SLC6A4: variants seen among roughly 807,000 people sequenced by gnomAD.
SLC6A4 encodes solute carrier family 6 member 4, also known as sodium-dependent serotonin transporter.
Under a neutral mutation model 73.4 loss-of-function variants are expected in SLC6A4, and 22 were observed. The observed-to-expected ratio is 0.30, with a 90% CI of 0.21 to 0.43. The LOEUF is 0.43. SLC6A4 is among the 20% of genes least tolerant of loss of function. The pLI, the probability that SLC6A4 is intolerant of heterozygous loss-of-function variation, is 1.00. For synonymous variants in SLC6A4, 270 were observed against 315.5 expected (o/e 0.86, Z 1.53); for missense variants, 593 against 808.5 (o/e 0.73, Z 3.23).
rs1001855348 is a variant in SLC6A4 at position 30,194,765 on chromosome 17, C to T, written c.*3691G>A. On this transcript the variant is annotated 3_prime_UTR_variant, in exon 15 of 15. Coordinates refer to ENST00000650711, the MANE Select transcript of SLC6A4 (RefSeq NM_001045.6). Reference sequence around the variant, plus strand: ...CACCAAATATTTTTGTTTGGACTGTCAGTGTTTAAAAATTGCTAGACACAA... The same window carrying T: ...CACCAAATATTTTTGTTTGGACTGTTAGTGTTTAAAAATTGCTAGACACAA... The T allele has an allele frequency of 2.0e-5, 3 of 152,114 alleles. No homozygotes were observed. The highest frequency in any genetic ancestry group is 7.2e-5 in the African/African-American group (3 of 41,426). 9.4% of individuals were successfully genotyped at this position (152,114 alleles called of 1,614,324 possible). A position where few individuals can be genotyped will look rare whatever the true frequency, so the allele number is the denominator to read the frequency against.
chr17:30,202,435 A>C (rs1227513035), intron 14 of SLC6A4, among the ~76,000 whole-genome samples: 1 of 152,150 alleles, frequency 6.6e-6, no homozygotes, highest in Non-Finnish European at 1.5e-5. Context: ...GGAAATAAGG[A>C]AACTTCGAGC....
intron 1 of SLC6A4, among the ~76,000 whole-genome samples, chr17:30,226,834 C>A: frequency 6.7e-6 from 1 of 149,744 alleles, no homozygotes; most frequent in African/African-American, 2.5e-5. Context: ...GTCAGCCAAA[C>A]TGCGCTCCAG....
intron 2 of SLC6A4, among the ~76,000 whole-genome samples, chr17:30,222,570 ATATTT>A (rs1179674887): frequency 3.3e-5 from 5 of 152,246 alleles, no homozygotes; most frequent in Non-Finnish European, 7.3e-5. Context: ...ACCCAAAGTT[ATATTT>A]TATATCAACT....
At chr17:30,202,208 A>C (rs1906060457) in intron 14 of SLC6A4, among the ~76,000 whole-genome samples, 1 of 152,192 alleles carries the variant, frequency 6.6e-6, no homozygotes, top group Non-Finnish European at 1.5e-5. Context: ...GTAAGATCTC[A>C]AATTAGCCCA....
rs1211182644 is a variant in SLC6A4, at chr17:30,211,912, G to A, written c.1205-488C>T. On this transcript the variant is annotated intron_variant, in intron 9 of 14. Coordinates refer to ENST00000650711, the MANE Select transcript of SLC6A4 (RefSeq NM_001045.6). This position sits in a 1 kb window ranked among gnomAD's most constrained non-coding sequence, Gnocchi z 4.0. ...TTCTATTTTAAAGTCCCTTTTGAAA[G>A]TGTGAGGGACATGTCTTCAGCCTCT... Among the ~76,000 whole-genome samples the A allele has an allele frequency of 6.6e-6, 1 of 152,164 alleles. No homozygotes were observed. The highest frequency in any genetic ancestry group is 6.5e-5 in the Admixed American group (1 of 15,272).
chr17:30,230,116 A>G (rs1026397770), intron 1 of SLC6A4, among the ~76,000 whole-genome samples: 4,121 of 133,778 alleles, frequency 0.031, 182 homozygotes, highest in African/African-American at 0.093. Context: ...AGGAAGAGGA[A>G]GAGGAAGAGG....
intron 14 of SLC6A4, among the ~76,000 whole-genome samples, chr17:30,201,901 G>C (rs1028310856): frequency 2.0e-5 from 3 of 152,312 alleles, no homozygotes; most frequent in African/African-American, 7.2e-5. Context: ...TCAGGAGTTT[G>C]AGACCAGCCT....
Position 30,211,228 on chromosome 17 carries a change from G to A in SLC6A4, c.1317+84C>T, listed in dbSNP as rs935443827. The A allele has an allele frequency of 2.3e-5, 21 of 901,942 alleles. No homozygotes were observed. In the Admixed American group the frequency reaches 2.4e-4, roughly 10 times the overall value. 55.9% of individuals were successfully genotyped at this position (901,942 alleles called of 1,614,324 possible). On this transcript the variant is annotated intron_variant, in intron 10 of 14. Coordinates refer to ENST00000650711, the MANE Select transcript of SLC6A4 (RefSeq NM_001045.6). This position sits in a 1 kb window ranked among gnomAD's most constrained non-coding sequence, Gnocchi z 4.0. ...GCCAAAGCTGCCTGGGATGGCCAGG[G>A]ATGGGAGGGAATTGAGTCCAGCTGA...
chr17:30,215,537 A>G, intron 8 of SLC6A4, 74 bp downstream of exon 8: 1 of 1,260,856 alleles, frequency 7.9e-7, no homozygotes. Context: ...CGTCGGTCCA[A>G]TCACCTTCCT....
intron 1 of SLC6A4, among the ~76,000 whole-genome samples, chr17:30,232,808 CAA>C (rs1475961285): frequency 6.6e-6 from 1 of 152,206 alleles, no homozygotes; most frequent in Non-Finnish European, 1.5e-5. Context: ...CCAGAGCAAA[CAA>C]AAGTCAGGCT....
intron 14 of SLC6A4, among the ~76,000 whole-genome samples, chr17:30,198,925 C>T (rs1220954951): frequency 6.6e-6 from 1 of 152,104 alleles, no homozygotes; most frequent in Non-Finnish European, 1.5e-5. Context: ...TGGGTTTTGG[C>T]CCCCATCCCC....
chr17:30,202,164 T>C (rs552334406), intron 14 of SLC6A4, among the ~76,000 whole-genome samples: 4 of 152,320 alleles, frequency 2.6e-5, no homozygotes, highest in African/African-American at 9.6e-5. Flanking sequence ...TGTCTTAGGA[T>C]GACTATTGTG....
intron 8 of SLC6A4, among the ~76,000 whole-genome samples, chr17:30,214,834 C>T (rs1473044161): frequency 1.3e-5 from 2 of 151,762 alleles, no homozygotes; most frequent in African/African-American, 2.4e-5. Context: ...GGGGTTTCAC[C>T]GTGTTAGCCA....
intron 1 of SLC6A4, among the ~76,000 whole-genome samples, chr17:30,230,638 G>C (rs1284642556): frequency 6.6e-6 from 1 of 152,134 alleles, no homozygotes; most frequent in Non-Finnish European, 1.5e-5. Context: ...GGAAAAGGGG[G>C]TTTGAAGTGG....
chr17:30,232,244 C>T (rs1342408960), intron 1 of SLC6A4, among the ~76,000 whole-genome samples: 1 of 152,240 alleles, frequency 6.6e-6, no homozygotes, highest in Non-Finnish European at 1.5e-5. Flanking sequence ...GGGCTCTGGG[C>T]TCTCCCAAAG....
At chr17:30,207,913 G>A in intron 12 of SLC6A4, 81 bp from the exon 13 acceptor site, 2 of 1,022,700 alleles carry the variant, frequency 2.0e-6, no homozygotes, top group Non-Finnish European at 3.0e-6. Flanking sequence ...CTCTGGGAGA[G>A]TCAGAGTCAC....
chr17:30,209,371 C>T (rs1033231472), intron 11 of SLC6A4, 129 bp from the exon 12 acceptor site: 15 of 611,384 alleles, frequency 2.5e-5, no homozygotes, highest in Non-Finnish European at 4.0e-5. Flanking sequence ...AACGTGAGTA[C>T]CCCAGAAACT....
In SLC6A4 at chr17:30,203,249, T is replaced by C. The variant is rs1906088884; in HGVS notation, c.1741A>G (p.Ile581Val). 1 of 1,612,548 alleles carries C rather than the reference T, an allele frequency of 6.2e-7. No homozygotes were observed. Among genetic ancestry groups the C allele is most frequent in the East Asian group, 2.2e-5 (1 of 44,874 alleles). Residue 581 changes from isoleucine to valine, a missense_variant, in exon 14 of 15, where the codon ATA (isoleucine) becomes GTA (valine). By Grantham distance (29) the Ile-to-Val change is conservative (BLOSUM62 3). Transcript: ENST00000650711. ...ATGCAAATGAAAGATGAGGTTCCTA[T>C]GCAGTAACCCAAGATGATACTCCAG... Reference protein sequence around the residue: ...PYWSIILGYCIGTSSFICIPT... With the variant: ...PYWSIILGYCVGTSSFICIPT...
Position 30,218,103 on chromosome 17 carries a change from C to T in SLC6A4, c.698+15G>A, listed in dbSNP as rs1906636633. 2 of 1,611,420 alleles carry T rather than the reference C, an allele frequency of 1.2e-6. No homozygotes were observed. Among genetic ancestry groups the T allele is most frequent in the Non-Finnish European group, 1.7e-6 (2 of 1,177,490 alleles). On this transcript the variant is annotated intron_variant, in intron 5 of 14. Coordinates refer to ENST00000650711, the MANE Select transcript of SLC6A4 (RefSeq NM_001045.6). ...CTGCCCCTAACAGGCCAACCCCTCA[C>T]TTACGTGCACTTACGTGTAAAATTC...
Sources: allele counts gnomAD v4.1 joint callset (sites outside exome capture counted in the v4.1 genomes callset), GRCh38; gene constraint gnomAD v4.1.1; non-coding constraint Gnocchi (gnomAD v3.1); transcripts MANE v1.5; gene names NCBI Gene and HGNC (gene_info 2026-07-23, HGNC 2026-07-21).